Variants in SLC23A1 observed in about 807,000 individuals in gnomAD.
The protein encoded by SLC23A1 is Na(+)/L-ascorbic acid transporter 1.
SLC23A1 carries 31 observed loss-of-function variants against 62.5 expected under a neutral mutation model. The observed-to-expected ratio is 0.50, with a 90% confidence interval of 0.37 to 0.67. SLC23A1 has a LOEUF of 0.67. SLC23A1 is among the 30% of genes least tolerant of loss of function. The pLI is 0.00. For synonymous variants in SLC23A1, 271 were observed against 313.2 expected (o/e 0.87, Z 1.42); for missense variants, 640 against 782.7 (o/e 0.82, Z 2.18).
At chr5:139,384,085 T>C (rs893041103), upstream of SLC23A1, among the ~76,000 whole-genome samples, 4 of 152,236 alleles carry the variant, frequency 2.6e-5, no homozygotes, top group Non-Finnish European at 5.9e-5. Flanking sequence ...AATTTAAAGA[T>C]AGCAGGAGCA....
Position 139,378,970 on chromosome 5 carries a change from A to T in SLC23A1, c.1073+237T>A, listed in dbSNP as rs989222521. 6.6e-6 allele frequency among the ~76,000 whole-genome samples: 1 copy of T among 152,230 alleles called. No homozygotes were observed. Among genetic ancestry groups the T allele is most frequent in the African/African-American group, 2.4e-5 (1 of 41,452 alleles). ...TAAGAATGCACAGTCAGAGCCGGGC[A>T]CATGGAGGGCTGTCAATGACGGTGG... On this transcript the variant is annotated intron_variant, in intron 9 of 14. Coordinates refer to ENST00000348729, the MANE Select transcript of SLC23A1 (RefSeq NM_005847.5). The surrounding 1 kb of genome is among the most constrained non-coding windows in gnomAD (Gnocchi z 4.5).
At chr5:139,368,190 T>G (rs1330963245) in intron 14 of SLC23A1, among the ~76,000 whole-genome samples, 2 of 151,710 alleles carry the variant, frequency 1.3e-5, no homozygotes, top group Non-Finnish European at 1.5e-5. Context: ...AACAAAAAAT[T>G]AGCTGGGCGT....
At chr5:139,380,527 C>T (rs1395256099) in intron 5 of SLC23A1, 38 bp downstream of exon 5, 1 of 1,608,362 alleles carries the variant, frequency 6.2e-7, no homozygotes, top group Admixed American at 1.7e-5. Context: ...AGCCCCTCCT[C>T]AGGACCCGGC....
chr5:139,381,512 T>C (rs920185725), intron 3 of SLC23A1, among the ~76,000 whole-genome samples: 2 of 149,698 alleles, frequency 1.3e-5, no homozygotes, highest in Non-Finnish European at 2.9e-5. Flanking sequence ...GAGAATCGCT[T>C]GAACGCGGGA....
chr5:139,382,439 G>T, intron 2 of SLC23A1, 53 bp downstream of exon 2: 1 of 1,034,604 alleles, frequency 9.7e-7, no homozygotes, highest in Non-Finnish European at 1.5e-6. Context: ...GGGAGGGGCT[G>T]GAGTCCCCGG....
At position 139,379,097 on chromosome 5, in the gene SLC23A1, C is replaced by A; in HGVS notation, c.1073+110G>T. 1.9e-6 allele frequency: 2 copies of A among 1,058,984 alleles called. No individual in the cohort carries two copies. The highest frequency in any genetic ancestry group is 2.9e-6 in the Non-Finnish European group (2 of 697,096). 65.6% of individuals were successfully genotyped at this position (1,058,984 alleles called of 1,614,324 possible). A position where few individuals can be genotyped will look rare whatever the true frequency, so the allele number is the denominator to read the frequency against. ...CAAACAAGGAGAATGAGGTCTGGAG[C>A]GTGTTCCCGACTTGCCTAAGCCTAC... On this transcript the variant is annotated intron_variant, in intron 9 of 14. Coordinates refer to ENST00000348729, the MANE Select transcript of SLC23A1 (RefSeq NM_005847.5). The surrounding 1 kb of genome is among the most constrained non-coding windows in gnomAD (Gnocchi z 4.7).
intron 14 of SLC23A1, chr5:139,368,964 G>T (rs1409961842): frequency 1.9e-6 from 1 of 515,960 alleles, no homozygotes; most frequent in Non-Finnish European, 3.5e-6. Flanking sequence ...CTGTTACTAA[G>T]TAAAAAGCTG....
At chr5:139,377,131 A>T (rs1250976971) in intron 13 of SLC23A1, among the ~76,000 whole-genome samples, 2 of 151,632 alleles carry the variant, frequency 1.3e-5, no homozygotes. Context: ...AAAAAAAAAA[A>T]GGAAAGAAAT....
At position 139,378,122 on chromosome 5, in the gene SLC23A1, AG is replaced by A. The variant is rs1264562133; in HGVS notation, c.1310-5del. ...AGCCCCACAGCTGTAATCATGCCTA[AG>A]GGCGCAAGAGAACGGCTGGAGGCGC... On this transcript the variant is annotated splice_polypyrimidine_tract_variant and splice_region_variant and intron_variant, in intron 11 of 14. Coordinates refer to ENST00000348729, the MANE Select transcript of SLC23A1 (RefSeq NM_005847.5). The surrounding 1 kb of genome is among the most constrained non-coding windows in gnomAD (Gnocchi z 4.5). 5 of 1,614,088 alleles carry A rather than the reference AG, an allele frequency of 3.1e-6. No homozygotes were observed. The African/African-American group carries it at 4.0e-5, about 13-fold the overall frequency.
upstream of SLC23A1, chr5:139,384,631 C>G: frequency 1.3e-5 from 16 of 1,235,332 alleles, no homozygotes; most frequent in Non-Finnish European, 1.7e-5. Flanking sequence ...GGAGACCAAG[C>G]CCGACCCCCT....
intron 13 of SLC23A1, among the ~76,000 whole-genome samples, chr5:139,374,262 A>G (rs1263004324): frequency 6.6e-6 from 1 of 152,170 alleles, no homozygotes; most frequent in African/African-American, 2.4e-5. Flanking sequence ...ATAGGTAAAG[A>G]CAAAGAGCAC....
Position 139,378,526 on chromosome 5 carries a change from G to A in SLC23A1, c.1179+53C>T, listed in dbSNP as rs1386974441. On this transcript the variant is annotated intron_variant, in intron 10 of 14. Coordinates refer to ENST00000348729, the MANE Select transcript of SLC23A1 (RefSeq NM_005847.5). The surrounding 1 kb of genome is among the most constrained non-coding windows in gnomAD (Gnocchi z 4.5). ...CAAAGTGGGGACCGAGTTGGGGCGGGGCCTGCGGCCCACGGAATTAGGGCA... is the reference window on the plus strand; with the variant it reads ...CAAAGTGGGGACCGAGTTGGGGCGGAGCCTGCGGCCCACGGAATTAGGGCA... The A allele has an allele frequency of 6.9e-7, 1 of 1,445,866 alleles. No homozygotes were observed. The highest frequency in any genetic ancestry group is 1.4e-5 in the African/African-American group (1 of 71,330). 89.6% of individuals were successfully genotyped at this position (1,445,866 alleles called of 1,614,324 possible).
At chr5:139,376,362 G>A (rs1435128898) in intron 13 of SLC23A1, among the ~76,000 whole-genome samples, 1 of 151,828 alleles carries the variant, frequency 6.6e-6, no homozygotes, top group African/African-American at 2.4e-5. Flanking sequence ...TAGAGATGGG[G>A]TTTCACCATG....
intron 14 of SLC23A1, among the ~76,000 whole-genome samples, chr5:139,370,115 A>G (rs1482104652): frequency 6.6e-6 from 1 of 152,202 alleles, no homozygotes; most frequent in Non-Finnish European, 1.5e-5. Context: ...TTCTTCTGGC[A>G]GTGGGTATGG....
rs1049081686 is a variant in SLC23A1, at chr5:139,381,788, G to C, written c.308+104C>G. The C allele has an allele frequency of 2.2e-5, 20 of 925,696 alleles. No individual in the cohort carries two copies. In the African/African-American group the frequency reaches 3.1e-4, roughly 14 times the overall value. 57.3% of individuals were successfully genotyped at this position (925,696 alleles called of 1,614,324 possible). A position where few individuals can be genotyped will look rare whatever the true frequency, so the allele number is the denominator to read the frequency against. On this transcript the variant is annotated intron_variant, in intron 3 of 14. Coordinates refer to ENST00000348729, the MANE Select transcript of SLC23A1 (RefSeq NM_005847.5). ...GGAGAAGCAGGTGGAGGCAGAAAGC[G>C]GCTTTTTTGTCTCACCAGTGTCCTC...
intron 14 of SLC23A1, among the ~76,000 whole-genome samples, chr5:139,370,558 A>G (rs1306430394): frequency 6.6e-6 from 1 of 151,258 alleles, no homozygotes; most frequent in African/African-American, 2.4e-5. Flanking sequence ...CAGTCATGCA[A>G]TCTCAGTTCA....
Position 139,378,175 on chromosome 5 carries a change from C to T in SLC23A1, c.1309+47G>A. 1 of 1,613,048 alleles carries T rather than the reference C, an allele frequency of 6.2e-7. No homozygotes were observed. Among genetic ancestry groups the T allele is most frequent in the Non-Finnish European group, 8.5e-7 (1 of 1,179,520 alleles). The stretch of plus-strand genomic sequence containing the variant: ...GCACACGCGTAATCCAGGTGAGTCC[C>T]ACTCGGCGACCCGCACCGCGACCCG... On this transcript the variant is annotated intron_variant, in intron 11 of 14. Transcript: ENST00000348729. This position sits in a 1 kb window ranked among gnomAD's most constrained non-coding sequence, Gnocchi z 4.5.
intron 14 of SLC23A1, chr5:139,368,800 T>C (rs1229431462): frequency 3.1e-6 from 5 of 1,605,836 alleles, no homozygotes; most frequent in Non-Finnish European, 3.4e-6. Flanking sequence ...AATATTTGAG[T>C]AGACGGGGCC....
chr5:139,375,817 A>G (rs1757918224), intron 13 of SLC23A1, among the ~76,000 whole-genome samples: 1 of 137,610 alleles, frequency 7.3e-6, no homozygotes, highest in African/African-American at 2.7e-5. Flanking sequence ...CCTGGGTGAC[A>G]AGAGCAAGAC....
Sources: gnomAD v4.1 joint callset for allele counts (sites outside exome capture counted in the v4.1 genomes callset) on GRCh38, gnomAD v4.1.1 for gene constraint, Gnocchi (gnomAD v3.1) non-coding constraint, MANE v1.5 for transcripts, NCBI Gene and HGNC (gene_info 2026-07-23, HGNC 2026-07-21) for gene names.